Variants in SNX8 observed in about 807,000 individuals in gnomAD.
The protein encoded by SNX8 is sorting nexin 8, also known as sorting nexin-8.
In SNX8, 25 loss-of-function variants were observed where a neutral mutation model predicts 51.6. The observed-to-expected ratio is 0.48, with a 90% CI of 0.35 to 0.68. The LOEUF (loss-of-function observed/expected upper bound fraction) is 0.68, where lower values mean the gene tolerates loss of function less well. Among genes scored for constraint, SNX8 ranks in the 30% least tolerant of loss-of-function variants. The probability of loss-of-function intolerance (pLI) is 0.00; values close to 1 mark genes in which losing one functional copy is unlikely to be tolerated. For synonymous variants in SNX8, 324 were observed against 277.0 expected (o/e 1.17, Z -1.68); for missense variants, 695 against 624.0 (o/e 1.11, Z -1.21).
chr7:2,305,088 T>A (rs1562449570), intron 1 of SNX8, among the ~76,000 whole-genome samples: 1 of 152,058 alleles, frequency 6.6e-6, no homozygotes, highest in Non-Finnish European at 1.5e-5. Flanking sequence ...TGCCGGTGGG[T>A]CACCGAAACA....
chr7:2,306,665 C>T (rs958319868), intron 1 of SNX8, among the ~76,000 whole-genome samples: 3 of 152,026 alleles, frequency 2.0e-5, no homozygotes, highest in African/African-American at 7.3e-5. Flanking sequence ...TAACTACATA[C>T]AAAGCAATGC....
chr7:2,255,022 G>T lies in SNX8; in HGVS notation c.*34C>A, dbSNP rs1195711680. On this transcript the variant is annotated 3_prime_UTR_variant, in exon 11 of 11. Coordinates refer to ENST00000222990, the MANE Select transcript of SNX8 (RefSeq NM_013321.4). The stretch of plus-strand genomic sequence containing the variant: ...ACACCGTTTGGAAAGAGGTTTTAGT[G>T]CGGCCGCAGGGAGCACCACCTCAGC... 4.3e-6 allele frequency: 6 copies of T among 1,386,238 alleles called. No homozygotes were observed. The highest frequency in any genetic ancestry group is 6.0e-6 in the Non-Finnish European group (6 of 997,440). 85.9% of individuals were successfully genotyped at this position (1,386,238 alleles called of 1,614,324 possible). A position where few individuals can be genotyped will look rare whatever the true frequency, so the allele number is the denominator to read the frequency against.
chr7:2,341,651 G>A (rs1778928204), intron 1 of SNX8, among the ~76,000 whole-genome samples: 1 of 152,040 alleles, frequency 6.6e-6, no homozygotes, highest in South Asian at 2.1e-4. Context: ...CAACCTGGGT[G>A]ATAGAGGCAA....
At chr7:2,302,237 C>A (rs907060851) in intron 1 of SNX8, among the ~76,000 whole-genome samples, 1 of 152,244 alleles carries the variant, frequency 6.6e-6, no homozygotes, top group East Asian at 1.9e-4. Context: ...CGAGTGCCTG[C>A]GATTGCAGGC....
rs529821346 is a variant in SNX8 at position 2,303,267 on chromosome 7, G to A, written c.94+11061C>T. ...AGCCCCCCGCCCGGCCAGCCGCCCC[G>A]TCCGGGAGGGAGGTGGGGGGGTCAG... On this transcript the variant is annotated intron_variant, in intron 1 of 10. Transcript: ENST00000222990. Among the ~76,000 whole-genome samples the A allele has an allele frequency of 2.0e-4, 29 of 146,548 alleles. 1 individual carries two copies. The East Asian group carries it at 2.2e-3, about 11-fold the overall frequency.
intron 1 of SNX8, among the ~76,000 whole-genome samples, chr7:2,308,915 G>T (rs186141992): frequency 6.7e-6 from 1 of 150,366 alleles, no homozygotes; most frequent in African/African-American, 2.5e-5. Context: ...TCAGCCTCCC[G>T]AGTAGCTGGG....
chr7:2,310,000 G>A (rs1031821754), intron 1 of SNX8: 10 of 400,534 alleles, frequency 2.5e-5, no homozygotes, highest in Admixed American at 6.7e-5. Flanking sequence ...CTTCCGAACC[G>A]AATGGAATGT....
chr7:2,352,571 A>G (rs531283048), intron 1 of SNX8, among the ~76,000 whole-genome samples: 5 of 152,120 alleles, frequency 3.3e-5, no homozygotes, highest in South Asian at 4.2e-4. Context: ...ATTGGCTCAC[A>G]CCTGTAATCC....
intron 1 of SNX8, among the ~76,000 whole-genome samples, chr7:2,333,248 A>G (rs1369658013): frequency 6.6e-6 from 1 of 152,010 alleles, no homozygotes; most frequent in Non-Finnish European, 1.5e-5. Flanking sequence ...TGGCCAAGAT[A>G]GTGAGGCCCC....
At position 2,257,357 on chromosome 7, in the gene SNX8, C is replaced by T. The variant is rs1001376105; in HGVS notation, c.1134+8G>A. 1.6e-5 allele frequency: 26 copies of T among 1,602,608 alleles called. No homozygotes were observed. Among genetic ancestry groups the T allele is most frequent in the Non-Finnish European group, 2.2e-5 (26 of 1,178,522 alleles). ...CCCACGGGCCTGCTCGGCCGCCCCG[C>T]CACCCACCTCCACAATGCGGGACTC... On this transcript the variant is annotated splice_region_variant and intron_variant, in intron 9 of 10. Coordinates refer to ENST00000222990, the MANE Select transcript of SNX8 (RefSeq NM_013321.4).
At chr7:2,258,760 A>G (rs1795262093) in intron 7 of SNX8, among the ~76,000 whole-genome samples, 2 of 152,102 alleles carry the variant, frequency 1.3e-5, no homozygotes, top group South Asian at 4.1e-4. Context: ...CGGTGGGGGC[A>G]GCGGTGGACA....
intron 1 of SNX8, among the ~76,000 whole-genome samples, chr7:2,335,271 A>C (rs2115239832): frequency 6.6e-6 from 1 of 152,288 alleles, no homozygotes. Context: ...CGGATAAACA[A>C]ATTGTTCTAT....
chr7:2,258,468 A>G lies in SNX8; in HGVS notation c.916-665T>C, dbSNP rs117604474. On this transcript the variant is annotated intron_variant, in intron 7 of 10. Coordinates refer to ENST00000222990, the MANE Select transcript of SNX8 (RefSeq NM_013321.4). ...ATGCTGGGAGAGCCAGATGCCCCAG[A>G]CCCCCCGACCCCTAAGGCTCCATCA... Among the ~76,000 whole-genome samples, 191 of 150,988 alleles carry G rather than the reference A, an allele frequency of 1.3e-3. 3 individuals are homozygous for G. The East Asian group carries it at 0.019, about 15-fold the overall frequency.
intron 6 of SNX8, among the ~76,000 whole-genome samples, 155 bp downstream of exon 6, chr7:2,264,143 C>A (rs1339061296): frequency 2.0e-5 from 3 of 152,088 alleles, no homozygotes; most frequent in Non-Finnish European, 2.9e-5. Context: ...CCAAATATGA[C>A]CCCCCATGTG....
intron 1 of SNX8, among the ~76,000 whole-genome samples, chr7:2,327,137 G>A (rs1229253016): frequency 6.6e-6 from 1 of 151,974 alleles, no homozygotes; most frequent in African/African-American, 2.4e-5. Context: ...TCTCCTAGGG[G>A]GTTCCTGGTT....
chr7:2,283,468 T>C (rs1248609151), intron 1 of SNX8, among the ~76,000 whole-genome samples: 1 of 152,238 alleles, frequency 6.6e-6, no homozygotes, highest in East Asian at 1.9e-4. Flanking sequence ...GGGCCGGTGC[T>C]TTCAGAGCCA....
At chr7:2,312,698 A>G (rs1796680514) in intron 1 of SNX8, among the ~76,000 whole-genome samples, 1 of 152,008 alleles carries the variant, frequency 6.6e-6, no homozygotes, top group Non-Finnish European at 1.5e-5. Context: ...CACTTCAGTC[A>G]TCACCTCCTC....
chr7:2,310,284 G>A (rs1407948025), intron 1 of SNX8, among the ~76,000 whole-genome samples: 5 of 152,230 alleles, frequency 3.3e-5, no homozygotes, highest in Middle Eastern at 3.4e-3. Flanking sequence ...CATAGTCAGA[G>A]GACAGAATGT....
intron 1 of SNX8, among the ~76,000 whole-genome samples, chr7:2,297,599 C>T (rs1584715780): frequency 1.4e-5 from 2 of 144,094 alleles, no homozygotes; most frequent in Admixed American, 7.2e-5. Context: ...GCCCATTTAT[C>T]GCAGCACAAT....
Sources: gnomAD v4.1 joint callset for allele counts (sites outside exome capture counted in the v4.1 genomes callset) on GRCh38, gnomAD v4.1.1 for gene constraint, MANE v1.5 for transcripts, NCBI Gene and HGNC (gene_info 2026-07-23, HGNC 2026-07-21) for gene names.